The following JAK1 variants were observed in gnomAD, a reference collection of about 807,000 sequenced individuals.
JAK1 encodes Janus kinase 1, also known as tyrosine-protein kinase JAK1.
A neutral mutation model predicts 136.6 loss-of-function variants in JAK1; 16 were observed. The ratio of observed to expected loss-of-function variants is 0.12; its 90% CI spans 0.08 to 0.18. The LOEUF (loss-of-function observed/expected upper bound fraction) is 0.18. JAK1 is among the 10% of genes least tolerant of loss of function. The pLI is 1.00. For missense variants in JAK1, 859 were observed against 1,450.1 expected (o/e 0.59, Z 6.62); for synonymous variants, 492 against 519.5 (o/e 0.95, Z 0.72).
At chr1:64,890,876 A>T (rs1644925085) in intron 1 of JAK1, among the ~76,000 whole-genome samples, 1 of 152,196 alleles carries the variant, frequency 6.6e-6, no homozygotes, top group Non-Finnish European at 1.5e-5. Context: ...CACGGGCTGG[A>T]GTCATTGCAA....
At chr1:64,934,769 T>C (rs1645759178) in intron 1 of JAK1, among the ~76,000 whole-genome samples, 1 of 152,234 alleles carries the variant, frequency 6.6e-6, no homozygotes. Flanking sequence ...GTTAAACACA[T>C]TAATTACAAC....
At chr1:65,019,915 C>CA (rs1276424824) in intron 2 of JAK1, among the ~76,000 whole-genome samples, 110 of 131,124 alleles carry the variant, frequency 8.4e-4, no homozygotes, top group South Asian at 2.7e-3. Flanking sequence ...GACTCTGTCT[C>CA]AAAAAAAAAA....
chr1:64,887,520 C>T (rs918003915), intron 1 of JAK1, among the ~76,000 whole-genome samples: 1 of 152,170 alleles, frequency 6.6e-6, no homozygotes, highest in African/African-American at 2.4e-5. Flanking sequence ...TTTCAAACAG[C>T]TCTGCAGAAA....
intron 2 of JAK1, among the ~76,000 whole-genome samples, chr1:65,005,621 G>T (rs1158283392): frequency 1.3e-5 from 2 of 152,134 alleles, no homozygotes; most frequent in Non-Finnish European, 2.9e-5. Flanking sequence ...TTTGATCATT[G>T]CACATTGTAC....
At chr1:65,026,433 C>A (rs563343828) in intron 2 of JAK1, among the ~76,000 whole-genome samples, 2 of 152,106 alleles carry the variant, frequency 1.3e-5, no homozygotes, top group Non-Finnish European at 2.9e-5. Context: ...CAGAATCCCA[C>A]GGTTTGGCTT....
intron 2 of JAK1, among the ~76,000 whole-genome samples, chr1:64,978,996 G>A (rs1004242332): frequency 7.2e-5 from 11 of 152,044 alleles, no homozygotes; most frequent in African/African-American, 2.7e-4. Context: ...CTGTGTCCAC[G>A]TACAGGTTAT....
chr1:64,939,621 G>C (rs1645852386), intron 1 of JAK1, among the ~76,000 whole-genome samples: 1 of 152,076 alleles, frequency 6.6e-6, no homozygotes, highest in South Asian at 2.1e-4. Flanking sequence ...GATTAAATTA[G>C]GTATATACTA....
chr1:64,842,996 G>A (rs1655004373), intron 17 of JAK1, among the ~76,000 whole-genome samples: 1 of 152,022 alleles, frequency 6.6e-6, no homozygotes, highest in Admixed American at 6.6e-5. Flanking sequence ...CTCCCTCCAG[G>A]TCTCTCCTCT....
chr1:64,855,246 T>C lies in JAK1; in HGVS notation c.1648+263A>G, dbSNP rs111361046. Among the ~76,000 whole-genome samples, 521 of 152,336 alleles carry C rather than the reference T, an allele frequency of 3.4e-3. 4 individuals carry two copies. The highest frequency in any genetic ancestry group is 0.012 in the African/African-American group (489 of 41,568). ...TTATCTTAAGGAAGAAAGAAGTGAT[T>C]TTCTGCTTACTAATGCTGAGCATGC... On this transcript the variant is annotated intron_variant, in intron 11 of 24. Coordinates refer to ENST00000342505, the MANE Select transcript of JAK1 (RefSeq NM_002227.4).
chr1:65,000,875 T>A (rs1352030675), intron 2 of JAK1, among the ~76,000 whole-genome samples: 1 of 151,724 alleles, frequency 6.6e-6, no homozygotes, highest in Non-Finnish European at 1.5e-5. Flanking sequence ...GGGGGGCGGT[T>A]GGATTTTTGT....
At position 65,017,588 on chromosome 1, in the gene JAK1, C is replaced by T. The variant is rs565011974; in HGVS notation, c.-78+26892G>A. Among the ~76,000 whole-genome samples the T allele has an allele frequency of 1.3e-4, 20 of 152,232 alleles. No individual in the cohort carries two copies. In the East Asian group the frequency reaches 2.7e-3, roughly 21 times the overall value. On this transcript the variant is annotated intron_variant, in intron 2 of 25. Coordinates refer to the JAK1 transcript ENST00000671954. The stretch of plus-strand genomic sequence containing the variant: ...CTGCAGAAAAAAATTCTGAAGTCCA[C>T]ACAGAATATTTCAAAAATGGACTCA...
rs529608151 is a variant in JAK1 at position 64,922,233 on chromosome 1, G to C, written c.-77-35892C>G. On this transcript the variant is annotated intron_variant, in intron 1 of 24. Coordinates refer to ENST00000342505, the MANE Select transcript of JAK1 (RefSeq NM_002227.4). ...GAGAACAACTAATCAGACCATCCCT[G>C]TACCCTGTATAAATAAAAACAAGGG... is the stretch of plus-strand genomic sequence containing the variant. Among the ~76,000 whole-genome samples, 3 of 151,396 alleles carry C rather than the reference G, an allele frequency of 2.0e-5. No individual in the cohort carries two copies. In the East Asian group the frequency reaches 5.8e-4, roughly 29 times the overall value.
chr1:65,037,858 CT>C (rs1647090499), intron 2 of JAK1, among the ~76,000 whole-genome samples: 1 of 152,068 alleles, frequency 6.6e-6, no homozygotes, highest in Admixed American at 6.6e-5. Flanking sequence ...AGAGTGAGAC[CT>C]TGTTTCTGAA....
At chr1:64,948,657 T>C (rs557817109) in intron 1 of JAK1, among the ~76,000 whole-genome samples, 2 of 152,376 alleles carry the variant, frequency 1.3e-5, no homozygotes, top group South Asian at 4.1e-4. Context: ...CATGAAAGAT[T>C]AGCAGCCAGT....
At chr1:64,988,425 A>C (rs1016537322) in intron 2 of JAK1, among the ~76,000 whole-genome samples, 11 of 152,132 alleles carry the variant, frequency 7.2e-5, no homozygotes, top group Non-Finnish European at 1.5e-4. Flanking sequence ...TTAAGATTTC[A>C]AACTCTACTT....
chr1:64,881,647 C>T (rs1488112463), intron 3 of JAK1, among the ~76,000 whole-genome samples: 1 of 152,180 alleles, frequency 6.6e-6, no homozygotes, highest in Non-Finnish European at 1.5e-5. Context: ...AGAGACACCA[C>T]TCATTTTCTA....
In JAK1 at chr1:64,984,233, AGT is replaced by A. The variant is rs1391475364; in HGVS notation, c.-78+60245_-78+60246del. Among the ~76,000 whole-genome samples, 1 of 152,252 alleles carries A rather than the reference AGT, an allele frequency of 6.6e-6. No individual in the cohort carries two copies. Among genetic ancestry groups the A allele is most frequent in the South Asian group, 2.1e-4 (1 of 4,826 alleles). Reference sequence around the variant, plus strand: ...ACATAAACCCTGTCTGCCTTCCCACAGTGTGTGTGTATCTGCTTCCTGGTAAG... The same window carrying A: ...ACATAAACCCTGTCTGCCTTCCCACAGTGTGTGTATCTGCTTCCTGGTAAG... On this transcript the variant is annotated intron_variant, in intron 2 of 25. Coordinates refer to the JAK1 transcript ENST00000671954. This position sits in a 1 kb window ranked among gnomAD's most constrained non-coding sequence, Gnocchi z 4.1.
intron 1 of JAK1, among the ~76,000 whole-genome samples, chr1:65,046,488 AG>A (rs1647184333): frequency 1.3e-5 from 2 of 152,326 alleles, no homozygotes; most frequent in South Asian, 4.1e-4. Flanking sequence ...CTTAAAGGGG[AG>A]GACTCAGACC....
At chr1:64,920,209 C>G (rs935227687) in intron 1 of JAK1, among the ~76,000 whole-genome samples, 6 of 152,068 alleles carry the variant, frequency 3.9e-5, no homozygotes, top group African/African-American at 7.2e-5. Flanking sequence ...TTGACGGAAA[C>G]AGGGAAAAGT....
Sources: allele counts gnomAD v4.1 joint callset (sites outside exome capture counted in the v4.1 genomes callset), GRCh38; gene constraint gnomAD v4.1.1; non-coding constraint Gnocchi (gnomAD v3.1); transcripts MANE v1.5; gene names NCBI Gene and HGNC (gene_info 2026-07-23, HGNC 2026-07-21).